Variants in GRID2 observed in about 807,000 individuals in gnomAD.
GRID2 encodes glutamate ionotropic receptor delta type subunit 2.
Under a neutral mutation model 114.8 loss-of-function variants are expected in GRID2, and 33 were observed. The observed-to-expected ratio is 0.29, with a 90% CI of 0.22 to 0.38. GRID2 has a LOEUF of 0.38. Among genes scored for constraint, GRID2 ranks in the 10% least tolerant of loss-of-function variants. The probability of loss-of-function intolerance (pLI) is 1.00; values close to 1 mark genes in which losing one functional copy is unlikely to be tolerated. For synonymous variants in GRID2, 505 were observed against 449.9 expected (o/e 1.12, Z -1.55); for missense variants, 1,184 against 1,257.7 (o/e 0.94, Z 0.89).
intron 4 of GRID2, among the ~76,000 whole-genome samples, chr4:93,182,972 G>C (rs901706399): frequency 6.6e-6 from 1 of 152,174 alleles, no homozygotes; most frequent in African/African-American, 2.4e-5. Context: ...CCCCGCAGGT[G>C]TTTCTGATGC....
chr4:93,685,057 A>G (rs1725951653), intron 14 of GRID2, among the ~76,000 whole-genome samples: 1 of 152,036 alleles, frequency 6.6e-6, no homozygotes, highest in South Asian at 2.1e-4. Flanking sequence ...ACAGAATAAC[A>G]AATAACAGTT....
At chr4:93,768,186 A>G (rs1429639767) in intron 14 of GRID2, among the ~76,000 whole-genome samples, 1 of 152,228 alleles carries the variant, frequency 6.6e-6, no homozygotes, top group Non-Finnish European at 1.5e-5. Flanking sequence ...ATCTTCTGCC[A>G]GGAGGACAAC....
In GRID2 at chr4:93,316,339, AGAAG is replaced by A. The variant is rs1553907447; in HGVS notation, c.1245+77869_1245+77872del. ...AAGAAAGAAAGAAAGAAAGAAAGAA[AGAAG>A]GAAGGAAGGAAGGAAGGAAAAGAAA... On this transcript the variant is annotated intron_variant, in intron 8 of 15. Coordinates refer to ENST00000282020, the MANE Select transcript of GRID2 (RefSeq NM_001510.4). 2.3e-3 allele frequency among the ~76,000 whole-genome samples: 129 copies of A among 55,008 alleles called. 1 individual carries two copies. The highest frequency in any genetic ancestry group is 3.4e-3 in the African/African-American group (57 of 16,816). 36.1% of individuals were successfully genotyped at this position (55,008 alleles called of 152,430 possible). A position where few individuals can be genotyped will look rare whatever the true frequency, so the allele number is the denominator to read the frequency against.
chr4:93,752,945 T>C (rs1004802495), intron 14 of GRID2, among the ~76,000 whole-genome samples: 1 of 152,192 alleles, frequency 6.6e-6, no homozygotes, highest in African/African-American at 2.4e-5. Context: ...ACCGTTAGTT[T>C]TCTATATGGA....
At chr4:93,265,735 T>C (rs1750749750) in intron 8 of GRID2, among the ~76,000 whole-genome samples, 1 of 152,212 alleles carries the variant, frequency 6.6e-6, no homozygotes, top group African/African-American at 2.4e-5. Flanking sequence ...ACAGTGATTG[T>C]GGTGGTGAGT....
chr4:93,028,701 A>G (rs941392842), intron 2 of GRID2, among the ~76,000 whole-genome samples: 1 of 152,044 alleles, frequency 6.6e-6, no homozygotes, highest in Non-Finnish European at 1.5e-5. Context: ...TGGGTCTGCC[A>G]TTACTGTCTT....
chr4:92,600,934 G>T (rs759377962), intron 2 of GRID2, among the ~76,000 whole-genome samples: 1 of 152,182 alleles, frequency 6.6e-6, no homozygotes, highest in Non-Finnish European at 1.5e-5. Context: ...CTGTGCTGGG[G>T]GCACTCCCAT....
chr4:92,891,043 C>A (rs895558891), intron 2 of GRID2, among the ~76,000 whole-genome samples: 6 of 152,080 alleles, frequency 3.9e-5, no homozygotes, highest in South Asian at 2.1e-4. Context: ...TGTTCTCACT[C>A]ATAAGTGGAA....
At chr4:93,267,022 G>A (rs1018779827) in intron 8 of GRID2, among the ~76,000 whole-genome samples, 1 of 125,480 alleles carries the variant, frequency 8.0e-6, no homozygotes, top group Non-Finnish European at 1.5e-5. Context: ...GTGTCCACTT[G>A]TGAGAACATG....
intron 4 of GRID2, among the ~76,000 whole-genome samples, chr4:93,199,757 C>T (rs993640192): frequency 6.6e-6 from 1 of 152,072 alleles, no homozygotes; most frequent in Non-Finnish European, 1.5e-5. Flanking sequence ...CCAGTGTTGG[C>T]GTGAGGGATT....
At chr4:92,723,608 C>G (rs1197033482) in intron 2 of GRID2, among the ~76,000 whole-genome samples, 4 of 152,004 alleles carry the variant, frequency 2.6e-5, no homozygotes, top group South Asian at 4.1e-4. Flanking sequence ...TAGGTAGTTA[C>G]TTCTTTATTT....
chr4:92,394,513 A>G (rs1437355392), intron 1 of GRID2, among the ~76,000 whole-genome samples: 1 of 152,018 alleles, frequency 6.6e-6, no homozygotes, highest in Non-Finnish European at 1.5e-5. Context: ...TTCACTGGTT[A>G]CAATGCTTAT....
intron 11 of GRID2, among the ~76,000 whole-genome samples, chr4:93,468,868 AAAT>A (rs1394865554): frequency 6.6e-6 from 1 of 152,162 alleles, no homozygotes; most frequent in Non-Finnish European, 1.5e-5. Context: ...TTGTTTCAAA[AAAT>A]GTAGATTTGT....
intron 1 of GRID2, among the ~76,000 whole-genome samples, chr4:92,411,649 G>GTATATACATA (rs1320090236): frequency 2.1e-5 from 2 of 94,922 alleles, no homozygotes; most frequent in African/African-American, 5.2e-5. Flanking sequence ...GTGTGTGTGT[G>GTATATACATA]TGTGTGTATA....
At chr4:92,535,354 T>C (rs1304415610) in intron 1 of GRID2, among the ~76,000 whole-genome samples, 1 of 152,160 alleles carries the variant, frequency 6.6e-6, no homozygotes, top group Non-Finnish European at 1.5e-5. Context: ...TACTACAATA[T>C]TCTCTTTCCC....
chr4:93,252,140 G>A (rs910275944), intron 8 of GRID2, among the ~76,000 whole-genome samples: 5 of 151,866 alleles, frequency 3.3e-5, no homozygotes, highest in South Asian at 2.1e-4. Flanking sequence ...ATCTTTGCCC[G>A]TGCCTATGTT....
intron 4 of GRID2, among the ~76,000 whole-genome samples, chr4:93,162,544 A>C (rs1737786057): frequency 6.6e-6 from 1 of 151,916 alleles, no homozygotes; most frequent in African/African-American, 2.4e-5. Context: ...CCTTTTTAAC[A>C]ACTTTATAAT....
chr4:93,105,772 G>A (rs1732163527), intron 3 of GRID2, among the ~76,000 whole-genome samples: 1 of 152,134 alleles, frequency 6.6e-6, no homozygotes, highest in Non-Finnish European at 1.5e-5. Context: ...ACCTCCCTTT[G>A]ATGCTCCTGT....
intron 2 of GRID2, among the ~76,000 whole-genome samples, chr4:92,742,711 A>T: frequency 6.6e-6 from 1 of 152,170 alleles, no homozygotes; most frequent in East Asian, 1.9e-4. Flanking sequence ...TTGTTTTTGG[A>T]TATAACTGAA....
Sources: allele counts gnomAD v4.1 joint callset (sites outside exome capture counted in the v4.1 genomes callset), GRCh38; gene constraint gnomAD v4.1.1; transcripts MANE v1.5; gene names NCBI Gene and HGNC (gene_info 2026-07-23, HGNC 2026-07-21).